CS: variants seen among roughly 807,000 people sequenced by gnomAD.
CS encodes citrate synthase, mitochondrial.
CS carries 13 observed loss-of-function variants against 61.4 expected under a neutral mutation model. That is an observed-to-expected ratio of 0.21 (90% CI 0.14 to 0.34). CS has a LOEUF of 0.34. Among genes scored for constraint, CS ranks in the 10% least tolerant of loss-of-function variants. CS has a pLI of 1.00. For synonymous variants in CS, 159 were observed against 215.2 expected (o/e 0.74, Z 2.29); for missense variants, 278 against 573.4 (o/e 0.48, Z 5.26).
intron 5 of CS, 43 bp from the exon 6 acceptor site, chr12:56,282,651 G>A: frequency 6.4e-7 from 1 of 1,556,142 alleles, no homozygotes; most frequent in East Asian, 2.3e-5. Flanking sequence ...GCAAGGACAA[G>A]GAAGGAGAAA....
intron 4 of CS, 33 bp downstream of exon 4, chr12:56,283,759 T>C: frequency 6.5e-7 from 1 of 1,543,042 alleles, no homozygotes; most frequent in African/African-American, 1.4e-5. Flanking sequence ...ACAAACTCAA[T>C]GATTATTAGT....
At chr12:56,297,620 C>G (rs1456923472) in intron 1 of CS, among the ~76,000 whole-genome samples, 2 of 152,166 alleles carry the variant, frequency 1.3e-5, no homozygotes, top group African/African-American at 4.8e-5. Flanking sequence ...ACGAGAATCG[C>G]TTGAGCCTGG....
rs1486298982 is a variant in CS at position 56,272,655 on chromosome 12, C to G, written c.*429G>C. The G allele has an allele frequency of 6.4e-6, 1 of 157,110 alleles. No homozygotes were observed. The highest frequency in any genetic ancestry group is 6.3e-5 in the Admixed American group (1 of 15,924). 9.7% of individuals were successfully genotyped at this position (157,110 alleles called of 1,614,324 possible). A position where few individuals can be genotyped will look rare whatever the true frequency, so the allele number is the denominator to read the frequency against. The stretch of plus-strand genomic sequence containing the variant: ...GTACAGCTGACTATCCAACATGATT[C>G]CTATGGAAACAGAAGGGGCAGAGTC... On this transcript the variant is annotated 3_prime_UTR_variant, in exon 11 of 11. Coordinates refer to ENST00000351328, the MANE Select transcript of CS (RefSeq NM_004077.3).
In CS at chr12:56,276,211, C is replaced by G. The variant is rs749441594; in HGVS notation, c.589-16G>C. 4.1e-5 allele frequency: 66 copies of G among 1,607,776 alleles called. No individual in the cohort carries two copies. The highest frequency in any genetic ancestry group is 5.2e-5 in the Non-Finnish European group (61 of 1,176,190). On this transcript the variant is annotated splice_polypyrimidine_tract_variant and intron_variant, in intron 6 of 10. Coordinates refer to ENST00000351328, the MANE Select transcript of CS (RefSeq NM_004077.3). The stretch of plus-strand genomic sequence containing the variant: ...CATAAATCAACTGACAGAAGAGGAG[C>G]AAGATGGAGAAAAAAAAAGGAATTA...
chr12:56,276,216 T>TG (rs780263726), intron 6 of CS, 21 bp from the exon 7 acceptor site: 12 of 1,608,030 alleles, frequency 7.5e-6, no homozygotes, highest in Non-Finnish European at 1.0e-5. Context: ...AGGAGCAAGA[T>TG]GGAGAAAAAA....
chr12:56,295,956 A>T (rs1425946072), intron 1 of CS, among the ~76,000 whole-genome samples: 1 of 146,962 alleles, frequency 6.8e-6, no homozygotes, highest in African/African-American at 2.5e-5. Context: ...TGTCTCAAAA[A>T]AAAAAAAAAA....
rs569701463 is a variant in CS, at chr12:56,288,054, C to G, written c.43-1409G>C. ...ATTTTTCTGTACTAGATTTTGAAAACAAATTGAGATAATCAAATTAAGCCT... is the reference window on the plus strand; with the variant it reads ...ATTTTTCTGTACTAGATTTTGAAAAGAAATTGAGATAATCAAATTAAGCCT... On this transcript the variant is annotated intron_variant, in intron 1 of 10. Coordinates refer to ENST00000351328, the MANE Select transcript of CS (RefSeq NM_004077.3). Among the ~76,000 whole-genome samples, 5 of 152,294 alleles carry G rather than the reference C, an allele frequency of 3.3e-5. No individual in the cohort carries two copies. The South Asian group carries it at 1.0e-3, about 32-fold the overall frequency.
At chr12:56,295,030 G>T (rs1017055803) in intron 1 of CS, among the ~76,000 whole-genome samples, 1 of 151,430 alleles carries the variant, frequency 6.6e-6, no homozygotes, top group Non-Finnish European at 1.5e-5. Context: ...TCTCCCAAAG[G>T]GCTGGGATTA....
chr12:56,283,710 C>T (rs1422273033), intron 4 of CS, 82 bp downstream of exon 4: 4 of 1,015,986 alleles, frequency 3.9e-6, no homozygotes, highest in Admixed American at 1.8e-5. Flanking sequence ...CTGTTTTGTG[C>T]TTACCCTTAC....
At position 56,291,372 on chromosome 12, in the gene CS, C is replaced by A. The variant is rs201900906; in HGVS notation, c.43-4727G>T. On this transcript the variant is annotated intron_variant, in intron 1 of 10. Transcript: ENST00000351328. ...TTCTTTCTTTTTTTTTTTTAACAGG[C>A]ATCAAGGAAAAGATACCAGTTTTCT... is the stretch of plus-strand genomic sequence containing the variant. The A allele has an allele frequency of 5.5e-6, 4 of 727,292 alleles. No individual in the cohort carries two copies. The East Asian group carries it at 5.2e-4, about 95-fold the overall frequency. The allele number at this position is 727,292 out of a possible 1,614,324, so 45.1% of individuals were successfully genotyped here.
chr12:56,273,628 G>T lies in CS; in HGVS notation c.1189C>A (p.Pro397Thr). 1 of 1,614,064 alleles carries T rather than the reference G, an allele frequency of 6.2e-7. No homozygotes were observed. The highest frequency in any genetic ancestry group is 8.5e-7 in the Non-Finnish European group (1 of 1,179,972). Reference sequence around the variant, plus strand: ...CTGTGAGCATCTACATTGGGCCAAGGATTCTTGGCTTTACCCTGCTCTAAG... The same window carrying T: ...CTGTGAGCATCTACATTGGGCCAAGTATTCTTGGCTTTACCCTGCTCTAAG... ...VLLEQGKAKNPWPNVDAHSGV... is the reference protein window; with the variant it reads ...VLLEQGKAKNTWPNVDAHSGV... Residue 397 changes from proline to threonine, a missense_variant, in exon 10 of 11, where the codon CCT becomes ACT. Pro to Thr is a conservative substitution (Grantham distance 38). Around this residue, in one of 2 missense-constraint regions of CS, gnomAD observed 223 missense variants for 503.5 expected, o/e 0.44. Transcript: ENST00000351328.
At position 56,272,791 on chromosome 12, in the gene CS, T is replaced by C; in HGVS notation, c.*293A>G. On this transcript the variant is annotated 3_prime_UTR_variant, in exon 11 of 11. Transcript: ENST00000351328. ...GGAAACAGGAGCCAGATTCTCACTC[T>C]AGAGATAGTGAGGGGGCCAAACCTA... The C allele has an allele frequency of 1.7e-5, 4 of 235,908 alleles. No homozygotes were observed. In the South Asian group the frequency reaches 2.9e-4, roughly 17 times the overall value. The allele number at this position is 235,908 out of a possible 1,614,324, so 14.6% of individuals were successfully genotyped here.
chr12:56,274,842 C>G lies in CS; in HGVS notation c.955G>C (p.Val319Leu), dbSNP rs1409644582. The G allele has an allele frequency of 1.9e-6, 3 of 1,612,072 alleles. No individual in the cohort carries two copies. The highest frequency in any genetic ancestry group is 8.5e-7 in the Non-Finnish European group (1 of 1,179,184). Residue 319 changes from valine (V) to leucine (L), a missense_variant, in exon 9 of 11, where the codon GTT (valine) becomes CTT (leucine). Physicochemically the swap from Val to Leu is conservative, Grantham distance 32 (BLOSUM62 1). This residue lies in a region of CS where 223 missense variants were observed against 503.5 expected (regional missense o/e 0.44). Coordinates refer to ENST00000351328, the MANE Select transcript of CS (RefSeq NM_004077.3). ...TTCTCATCTGACACATCTTTGCCAA[C>G]TTCCTTCTGCAGCTGTGTTAGCCAG... ...LVWLTQLQKE[V>L]GKDVSDEKLR... is the part of the protein sequence containing the mutation.
At chr12:56,299,631 T>A (rs535730362) in intron 1 of CS, among the ~76,000 whole-genome samples, 1 of 152,336 alleles carries the variant, frequency 6.6e-6, no homozygotes, top group South Asian at 2.1e-4. Context: ...CCCACTCTTG[T>A]GCTCGGCGTG....
chr12:56,298,419 T>C (rs1592416135), intron 1 of CS, among the ~76,000 whole-genome samples: 1 of 152,184 alleles, frequency 6.6e-6, no homozygotes, highest in East Asian at 1.9e-4. Context: ...CCCAAAAGTG[T>C]TCTGAGCTTC....
intron 10 of CS, 82 bp from the exon 11 acceptor site, chr12:56,273,336 G>A: frequency 7.0e-7 from 1 of 1,428,498 alleles, no homozygotes; most frequent in Non-Finnish European, 9.6e-7. Flanking sequence ...AACCTTAAAA[G>A]CTAAATTTTC....
At chr12:56,292,637 C>A (rs1251030022) in intron 1 of CS, among the ~76,000 whole-genome samples, 1 of 149,672 alleles carries the variant, frequency 6.7e-6, no homozygotes, top group African/African-American at 2.5e-5. Context: ...GTAATCCCAG[C>A]ACTTTGGGAG....
chr12:56,292,612 C>T (rs1028115670), intron 1 of CS, among the ~76,000 whole-genome samples: 7 of 150,104 alleles, frequency 4.7e-5, no homozygotes, highest in Admixed American at 1.3e-4. Flanking sequence ...TGGCCTGGCG[C>T]GGTGGCTCAC....
At chr12:56,277,217 G>T (rs1436428458) in intron 6 of CS, among the ~76,000 whole-genome samples, 1 of 146,554 alleles carries the variant, frequency 6.8e-6, no homozygotes, top group Non-Finnish European at 1.5e-5. Flanking sequence ...AAAAAAAAAG[G>T]GGTCGGGCAC....
Sources: gnomAD v4.1 joint callset for allele counts (sites outside exome capture counted in the v4.1 genomes callset) on GRCh38, gnomAD v4.1.1 for gene constraint, gnomAD v4.1.1 regional missense constraint, MANE v1.5 for transcripts, NCBI Gene and HGNC (gene_info 2026-07-23, HGNC 2026-07-21) for gene names.